Variants in PHYKPL observed in about 807,000 individuals in gnomAD.
PHYKPL encodes 5-phosphohydroxy-L-lysine phospho-lyase, also known as 5-phosphonooxy-L-lysine phospho-lyase.
In PHYKPL, 42 loss-of-function variants were observed where a neutral mutation model predicts 51.3. The ratio of observed to expected loss-of-function variants is 0.82; its 90% confidence interval spans 0.64 to 1.06. PHYKPL has a LOEUF of 1.06. Ranked by LOEUF, PHYKPL falls within the 50% of genes least tolerant of loss-of-function variation. PHYKPL has a pLI of 0.00. For missense variants in PHYKPL, 655 were observed against 586.6 expected (o/e 1.12, Z -1.20); for synonymous variants, 264 against 236.0 (o/e 1.12, Z -1.09).
chr5:178,215,013 G>A (rs1169703532), intron 9 of PHYKPL, 128 bp from the exon 10 acceptor site: 2 of 887,266 alleles, frequency 2.3e-6, no homozygotes, highest in Non-Finnish European at 3.5e-6. Flanking sequence ...AGAAGGTGGT[G>A]AGAATAGTTT....
chr5:178,218,462 A>C (rs56354107), intron 8 of PHYKPL, among the ~76,000 whole-genome samples: 9,451 of 152,196 alleles, frequency 0.062, 333 homozygotes, highest in Admixed American at 0.11. Flanking sequence ...TTATTAGGTC[A>C]CAAGAATAGA....
intron 1 of PHYKPL, 31 bp downstream of exon 1, chr5:178,232,461 G>T: frequency 7.4e-7 from 1 of 1,355,996 alleles, no homozygotes; most frequent in Non-Finnish European, 9.5e-7. Flanking sequence ...GCAGCCCCGC[G>T]CCCCCCGCCG....
chr5:178,214,549 C>G (rs1032357497), intron 10 of PHYKPL, among the ~76,000 whole-genome samples: 1 of 152,168 alleles, frequency 6.6e-6, no homozygotes, highest in African/African-American at 2.4e-5. Flanking sequence ...TAGCCTGTGT[C>G]TCATCTGCAG....
chr5:178,215,447 G>C lies in PHYKPL; in HGVS notation c.928-17C>G. On this transcript the variant is annotated splice_polypyrimidine_tract_variant and intron_variant, in intron 8 of 12. Coordinates refer to ENST00000308158, the MANE Select transcript of PHYKPL (RefSeq NM_153373.4). Reference sequence around the variant, plus strand: ...GCCCCCAAACTGAGCCAGGGACAAAGAACATGTCAGATGCCCTGGCAGAGT... The same window carrying C: ...GCCCCCAAACTGAGCCAGGGACAAACAACATGTCAGATGCCCTGGCAGAGT... 1 of 1,600,072 alleles carries C rather than the reference G, an allele frequency of 6.2e-7. No individual in the cohort carries two copies. The highest frequency in any genetic ancestry group is 8.5e-7 in the Non-Finnish European group (1 of 1,171,816).
intron 8 of PHYKPL, among the ~76,000 whole-genome samples, chr5:178,220,546 G>T (rs186209782): frequency 6.6e-6 from 1 of 152,178 alleles, no homozygotes; most frequent in Admixed American, 6.5e-5. Context: ...TACTGGTGGG[G>T]TGTTAACTTG....
chr5:178,227,186 C>A (rs1315903902), intron 3 of PHYKPL, among the ~76,000 whole-genome samples: 2 of 152,052 alleles, frequency 1.3e-5, no homozygotes, highest in Non-Finnish European at 2.9e-5. Flanking sequence ...CAGGGGGCCC[C>A]TCATCCAATC....
chr5:178,219,259 TAAA>T (rs1328629170), intron 8 of PHYKPL, among the ~76,000 whole-genome samples: 2 of 152,118 alleles, frequency 1.3e-5, no homozygotes, highest in African/African-American at 4.8e-5. Flanking sequence ...AGACAGGTTA[TAAA>T]CTGGATGAAC....
At chr5:178,208,393 G>T (rs749553193), downstream of PHYKPL, 3 of 152,190 alleles carry the variant, frequency 2.0e-5, no homozygotes, top group Non-Finnish European at 2.9e-5. Flanking sequence ...AGTGATAGAG[G>T]CCTTTTTCTC....
At chr5:178,220,923 C>T (rs1303307728) in intron 8 of PHYKPL, among the ~76,000 whole-genome samples, 1 of 152,022 alleles carries the variant, frequency 6.6e-6, no homozygotes, top group South Asian at 2.1e-4. Context: ...TGATAGACTT[C>T]ATATAAACTC....
Position 178,225,397 on chromosome 5 carries a change from G to C in PHYKPL, c.371C>G (p.Ala124Gly), listed in dbSNP as rs1043652678. 1.2e-6 allele frequency: 2 copies of C among 1,614,094 alleles called. No homozygotes were observed. The highest frequency in any genetic ancestry group is 1.7e-6 in the Non-Finnish European group (2 of 1,180,036). ...GTCCTGGTGTCCCGTGTAGTGGCGA[G>C]CCAGCCTCAGGGCCAGGTCATTGGC... Reference protein sequence around the residue: ...SEANDLALRLARHYTGHQDVV... With the variant: ...SEANDLALRLGRHYTGHQDVV... The change falls in exon 4 of 13, where the codon GCT (alanine) becomes GGT (glycine). Residue 124 changes from alanine to glycine, a missense_variant. Coordinates refer to ENST00000308158, the MANE Select transcript of PHYKPL (RefSeq NM_153373.4).
intron 6 of PHYKPL, 163 bp downstream of exon 6, chr5:178,224,285 C>T: frequency 1.3e-6 from 1 of 755,686 alleles, no homozygotes; most frequent in South Asian, 1.9e-5. Flanking sequence ...CTAGGCCGTG[C>T]ACTCAGACTC....
At chr5:178,230,437 T>G (rs986707167) in intron 2 of PHYKPL, 21 of 225,680 alleles carry the variant, frequency 9.3e-5, no homozygotes, top group Non-Finnish European at 1.4e-4. Context: ...ATTCACTGCA[T>G]CCTCACACTC....
chr5:178,210,897 G>A (rs1385863136), intron 12 of PHYKPL: 3 of 507,720 alleles, frequency 5.9e-6, no homozygotes, highest in South Asian at 4.7e-5. Context: ...TCTGCTTCCT[G>A]CTGCCGCTCT....
chr5:178,210,963 A>G, intron 12 of PHYKPL: 1 of 290,826 alleles, frequency 3.4e-6, no homozygotes, highest in Non-Finnish European at 6.4e-6. Flanking sequence ...TTAGGAAACC[A>G]GTGTCACCTT....
intron 3 of PHYKPL, among the ~76,000 whole-genome samples, chr5:178,227,202 A>T (rs2113996355): frequency 6.6e-6 from 1 of 152,226 alleles, no homozygotes; most frequent in East Asian, 1.9e-4. Context: ...CAATCTCACC[A>T]GTGTCCTTAT....
At chr5:178,210,892 T>A in intron 12 of PHYKPL, 1 of 514,256 alleles carries the variant, frequency 1.9e-6, no homozygotes. Context: ...GAGGCTCTGC[T>A]TCCTGCTGCC....
intron 4 of PHYKPL, chr5:178,224,969 C>G: frequency 1.7e-6 from 1 of 572,440 alleles, no homozygotes; most frequent in Non-Finnish European, 3.1e-6. Context: ...GTTTTCTCTG[C>G]TGTGAAATGA....
At position 178,213,114 on chromosome 5, in the gene PHYKPL, A is replaced by C; in HGVS notation, c.1173-11T>G. On this transcript the variant is annotated splice_polypyrimidine_tract_variant and intron_variant, in intron 10 of 12. Coordinates refer to ENST00000308158, the MANE Select transcript of PHYKPL (RefSeq NM_153373.4). Reference sequence around the variant, plus strand: ...TAGTTCTCCTTCAGCCTGTGAGGACAGGACACCCCTTCACATGGCCTTCAA... The same window carrying C: ...TAGTTCTCCTTCAGCCTGTGAGGACCGGACACCCCTTCACATGGCCTTCAA... 6.2e-7 allele frequency: 1 copy of C among 1,613,596 alleles called. No individual in the cohort carries two copies. Among genetic ancestry groups the C allele is most frequent in the Non-Finnish European group, 8.5e-7 (1 of 1,179,712 alleles).
rs1425577142 is a variant in PHYKPL at position 178,229,976 on chromosome 5, G to A, written c.302C>T (p.Pro101Leu). 14 of 1,614,056 alleles carry A rather than the reference G, an allele frequency of 8.7e-6. No individual in the cohort carries two copies. Among genetic ancestry groups the A allele is most frequent in the East Asian group, 6.7e-5 (3 of 44,898 alleles). The stretch of plus-strand genomic sequence containing the variant: ...GAAATAGAACACACAGAGCTGCTCC[G>A]GCAGGGTCTCTGACAGCCTCTGCGC... ...DYAQRLSETL[P>L]EQLCVFYFLN... The change falls in exon 3 of 13, where the codon CCG (proline) becomes CTG (leucine). Residue 101 changes from proline (P) to leucine (L), a missense_variant. Pro to Leu is a moderately conservative substitution (Grantham distance 98). Transcript: ENST00000308158.
Sources: gnomAD v4.1 joint callset for allele counts (sites outside exome capture counted in the v4.1 genomes callset) on GRCh38, gnomAD v4.1.1 for gene constraint, MANE v1.5 for transcripts, NCBI Gene and HGNC (gene_info 2026-07-23, HGNC 2026-07-21) for gene names.